The following TLX1 variants were observed in gnomAD, a reference collection of about 807,000 sequenced individuals.
The protein encoded by TLX1 is T cell leukemia homeobox 1, also known as T-cell leukemia homeobox protein 1.
A neutral mutation model predicts 26.5 loss-of-function variants in TLX1; 6 were observed. The ratio of observed to expected loss-of-function variants is 0.23; its 90% CI spans 0.12 to 0.45. TLX1 has a LOEUF of 0.45. Among genes scored for constraint, TLX1 ranks in the 20% least tolerant of loss-of-function variants. The pLI is 0.99. For synonymous variants in TLX1, 217 were observed against 219.7 expected (o/e 0.99, Z 0.11); for missense variants, 418 against 482.6 (o/e 0.87, Z 1.25).
At chr10:101,134,940 G>A (rs1247508239) in intron 2 of TLX1, among the ~76,000 whole-genome samples, 1 of 152,266 alleles carries the variant, frequency 6.6e-6, no homozygotes, top group African/African-American at 2.4e-5. Flanking sequence ...CGCCGGCTGC[G>A]GCGGGGTTTC....
At chr10:101,133,909 G>A (rs905955805) in intron 1 of TLX1, among the ~76,000 whole-genome samples, 1 of 152,160 alleles carries the variant, frequency 6.6e-6, no homozygotes, top group African/African-American at 2.4e-5. Flanking sequence ...GGGCTCGCGG[G>A]AGCCCGGGGC....
At chr10:101,136,410 C>T (rs1020955483) in intron 2 of TLX1, among the ~76,000 whole-genome samples, 3 of 152,142 alleles carry the variant, frequency 2.0e-5, no homozygotes, top group Admixed American at 6.6e-5. Flanking sequence ...GGGGTGTGGG[C>T]GCTGCGCGTG....
chr10:101,134,431 T>C, intron 2 of TLX1, 55 bp downstream of exon 2: 1 of 1,464,860 alleles, frequency 6.8e-7, no homozygotes. Flanking sequence ...CAGGCAGCTC[T>C]CGGTTCATTG....
rs1304337955 is a variant in TLX1, at chr10:101,131,369, G to C, written c.-173G>C. 2.3e-6 allele frequency: 1 copy of C among 435,184 alleles called. No homozygotes were observed. Among genetic ancestry groups the C allele is most frequent in the Non-Finnish European group, 4.0e-6 (1 of 252,932 alleles). The allele number at this position is 435,184 out of a possible 1,614,324, so 27.0% of individuals were successfully genotyped here. On this transcript the variant is annotated 5_prime_UTR_variant, in exon 1 of 3. Transcript: ENST00000370196. The stretch of plus-strand genomic sequence containing the variant: ...CAGAAGCCAGAGAGGGGAAGAATAC[G>C]GCGCCCCCTCTCTCCCTCCCCTCCC...
At position 101,137,070 on chromosome 10, in the gene TLX1, C is replaced by T. The variant is rs183736856; in HGVS notation, c.*157C>T. 3.9e-3 allele frequency: 3,758 copies of T among 970,978 alleles called. 13 individuals are homozygous for T. The highest frequency in any genetic ancestry group is 7.0e-3 in the Middle Eastern group (23 of 3,300). The allele number at this position is 970,978 out of a possible 1,614,324, so 60.1% of individuals were successfully genotyped here. A position where few individuals can be genotyped will look rare whatever the true frequency, so the allele number is the denominator to read the frequency against. On this transcript the variant is annotated 3_prime_UTR_variant, in exon 3 of 3. Coordinates refer to ENST00000370196, the MANE Select transcript of TLX1 (RefSeq NM_005521.4). ...AAGGGCCCCCACATTTGTGCCGACA[C>T]TGTTCTCCCTTCGGTGGAAGAGCTC... is the stretch of plus-strand genomic sequence containing the variant.
rs975804059 is a variant in TLX1 at position 101,131,795 on chromosome 10, C to G, written c.254C>G (p.Pro85Arg). Residue 85 changes from proline (P) to arginine (R), a missense_variant, in exon 1 of 3, where the codon CCG becomes CGG. Around this residue, in one of 3 missense-constraint regions of TLX1, gnomAD observed 322 missense variants for 344.6 expected, o/e 0.93. Transcript: ENST00000370196. The stretch of plus-strand genomic sequence containing the variant: ...GGAGGTCCCGGCGGCCCCGGAGGCC[C>G]GGCAGGCGGCGGCGGCGCCTGCAGC... Reference protein sequence around the residue: ...GTGGPGGPGGPAGGGGACSMG... With the variant: ...GTGGPGGPGGRAGGGGACSMG... 18 of 1,385,894 alleles carry G rather than the reference C, an allele frequency of 1.3e-5. No individual in the cohort carries two copies. The highest frequency in any genetic ancestry group is 1.4e-5 in the Non-Finnish European group (15 of 1,076,198). The allele number at this position is 1,385,894 out of a possible 1,614,324, so 85.8% of individuals were successfully genotyped here.
chr10:101,132,088 T>A lies in TLX1; in HGVS notation c.547T>A (p.Tyr183Asn), dbSNP rs202240073. 141 of 1,429,502 alleles carry A rather than the reference T, an allele frequency of 9.9e-5. No homozygotes were observed. In the South Asian group the frequency reaches 1.0e-3, roughly 11 times the overall value. 88.6% of individuals were successfully genotyped at this position (1,429,502 alleles called of 1,614,324 possible). A position where few individuals can be genotyped will look rare whatever the true frequency, so the allele number is the denominator to read the frequency against. The change falls in exon 1 of 3, where the codon TAC (tyrosine) becomes AAC (asparagine). Residue 183 changes from tyrosine (Y) to asparagine (N), a missense_variant. By Grantham distance (143) the Tyr-to-Asn change is moderately radical. Coordinates refer to ENST00000370196, the MANE Select transcript of TLX1 (RefSeq NM_005521.4). The surrounding 1 kb of genome is among the most constrained non-coding windows in gnomAD (Gnocchi z 4.1). ...TFPWMESNRR[Y>N]TKDRFTGHPY... ...CCCCTGGATGGAGAGTAACCGCAGA[T>A]ACACAAAGGACAGGTTCACAGGTGA...
chr10:101,132,126 C>A lies in TLX1; in HGVS notation c.568+17C>A, dbSNP rs770796369. On this transcript the variant is annotated intron_variant, in intron 1 of 2. Transcript: ENST00000370196. This position sits in a 1 kb window ranked among gnomAD's most constrained non-coding sequence, Gnocchi z 4.1. ...GGTTCACAGGTGAGTCCGGCCCGCG[C>A]GCTCCCCGCCTGGCCGCGGCCCGGG... The A allele has an allele frequency of 5.8e-5, 77 of 1,337,480 alleles. No individual in the cohort carries two copies. In the Admixed American group the frequency reaches 7.3e-4, roughly 13 times the overall value. 82.9% of individuals were successfully genotyped at this position (1,337,480 alleles called of 1,614,324 possible). A position where few individuals can be genotyped will look rare whatever the true frequency, so the allele number is the denominator to read the frequency against.
rs370431334 is a variant in TLX1, at chr10:101,132,156, G to T, written c.568+47G>T. ...CCCGCCTGGCCGCGGCCCGGGCTCCGTGCTACCCCTGCCCCGCCGGGTGGC... is the reference window on the plus strand; with the variant it reads ...CCCGCCTGGCCGCGGCCCGGGCTCCTTGCTACCCCTGCCCCGCCGGGTGGC... On this transcript the variant is annotated intron_variant, in intron 1 of 2. Transcript: ENST00000370196. This position sits in a 1 kb window ranked among gnomAD's most constrained non-coding sequence, Gnocchi z 4.1. The T allele has an allele frequency of 1.2e-4, 156 of 1,312,362 alleles. No individual in the cohort carries two copies. In the African/African-American group the frequency reaches 2.2e-3, roughly 18 times the overall value. 81.3% of individuals were successfully genotyped at this position (1,312,362 alleles called of 1,614,324 possible).
chr10:101,134,917 G>C (rs1336315725), intron 2 of TLX1, among the ~76,000 whole-genome samples: 1 of 152,230 alleles, frequency 6.6e-6, no homozygotes, highest in Non-Finnish European at 1.5e-5. Context: ...CCTGGAAGGA[G>C]AAAATCAATC....
chr10:101,131,782 G>C lies in TLX1; in HGVS notation c.241G>C (p.Gly81Arg), dbSNP rs940435257. The C allele has an allele frequency of 5.8e-6, 8 of 1,386,848 alleles. No homozygotes were observed. Among genetic ancestry groups the C allele is most frequent in the Non-Finnish European group, 7.4e-6 (8 of 1,076,574 alleles). The allele number at this position is 1,386,848 out of a possible 1,614,324, so 85.9% of individuals were successfully genotyped here. A position where few individuals can be genotyped will look rare whatever the true frequency, so the allele number is the denominator to read the frequency against. ...AGAYGTGGPG[G>R]PGGPAGGGGA... is the part of the protein sequence containing the mutation. ...GGCCTATGGTACTGGAGGTCCCGGC[G>C]GCCCCGGAGGCCCGGCAGGCGGCGG... Residue 81 changes from glycine to arginine, a missense_variant, in exon 1 of 3, where the codon GGC (glycine) becomes CGC (arginine). This residue lies in a region of TLX1 where 322 missense variants were observed against 344.6 expected (regional missense o/e 0.93). Transcript: ENST00000370196.
intron 2 of TLX1, among the ~76,000 whole-genome samples, chr10:101,136,110 G>A (rs151310751): frequency 1.3e-5 from 2 of 152,340 alleles, no homozygotes; most frequent in African/African-American, 2.4e-5. Flanking sequence ...TGGAATAAGT[G>A]AGTCATCGCC....
Position 101,131,902 on chromosome 10 carries a change from G to C in TLX1, c.361G>C (p.Gly121Arg). The C allele has an allele frequency of 7.2e-7, 1 of 1,392,926 alleles. No individual in the cohort carries two copies. The highest frequency in any genetic ancestry group is 1.7e-5 in the South Asian group (1 of 60,276). The allele number at this position is 1,392,926 out of a possible 1,614,324, so 86.3% of individuals were successfully genotyped here. Residue 121 changes from glycine to arginine, a missense_variant, in exon 1 of 3, where the codon GGC becomes CGC. Gly to Arg is a moderately radical substitution (Grantham distance 125). This residue lies in a region of TLX1 where 322 missense variants were observed against 344.6 expected (regional missense o/e 0.93). Coordinates refer to ENST00000370196, the MANE Select transcript of TLX1 (RefSeq NM_005521.4). The stretch of plus-strand genomic sequence containing the variant: ...TCCTGGCGGCGGCGGCGGCAGCAGC[G>C]GCGGTGCCGGGGCACTCAGCGCTGC... ...PGPGGGGGSS[G>R]GAGALSAAGV...
intron 2 of TLX1, chr10:101,135,489 C>G (rs913907339): frequency 6.5e-6 from 1 of 154,388 alleles, no homozygotes; most frequent in African/African-American, 2.4e-5. Context: ...AAGAGGGAGC[C>G]AGGGCTAGCT....
chr10:101,133,525 C>A (rs1183840124), intron 1 of TLX1, among the ~76,000 whole-genome samples: 1 of 152,232 alleles, frequency 6.6e-6, no homozygotes, highest in Non-Finnish European at 1.5e-5. Context: ...GAAACCCAGC[C>A]GGGAGTCCAC....
rs1290667837 is a variant in TLX1 at position 101,131,970 on chromosome 10, C to G, written c.429C>G (p.Ala143=). 1 of 1,506,342 alleles carries G rather than the reference C, an allele frequency of 6.6e-7. No individual in the cohort carries two copies. Among genetic ancestry groups the G allele is most frequent in the South Asian group, 1.3e-5 (1 of 79,596 alleles). The allele number at this position is 1,506,342 out of a possible 1,614,324, so 93.3% of individuals were successfully genotyped here. ...RVPAHRPLAG[A]VAHPQPLATG... ...CGGCACACAGGCCGCTCGCCGGAGCCGTGGCCCACCCCCAGCCCCTGGCCA... is the reference window on the plus strand; with the variant it reads ...CGGCACACAGGCCGCTCGCCGGAGCGGTGGCCCACCCCCAGCCCCTGGCCA... The change falls in exon 1 of 3, where the codon GCC becomes GCG. Residue 143 remains alanine, a synonymous_variant. Coordinates refer to ENST00000370196, the MANE Select transcript of TLX1 (RefSeq NM_005521.4).
At chr10:101,135,847 A>G (rs1332962729) in intron 2 of TLX1, among the ~76,000 whole-genome samples, 1 of 152,204 alleles carries the variant, frequency 6.6e-6, no homozygotes, top group African/African-American at 2.4e-5. Context: ...ACAAAGCCTA[A>G]AAGAGAAATA....
Position 101,131,744 on chromosome 10 carries a change from C to A in TLX1, c.203C>A (p.Ala68Asp). The A allele has an allele frequency of 7.0e-7, 1 of 1,428,150 alleles. No individual in the cohort carries two copies. Among genetic ancestry groups the A allele is most frequent in the South Asian group, 1.6e-5 (1 of 63,684 alleles). The allele number at this position is 1,428,150 out of a possible 1,614,324, so 88.5% of individuals were successfully genotyped here. A position where few individuals can be genotyped will look rare whatever the true frequency, so the allele number is the denominator to read the frequency against. Reference protein sequence around the residue: ...GGGGSAAATGAGGAGAYGTGG... With the variant: ...GGGGSAAATGDGGAGAYGTGG... ...GGGGGCTCCGCGGCCGCGACGGGGG[C>A]TGGAGGAGCGGGGGCCTATGGTACT... Residue 68 changes from alanine to aspartate, a missense_variant, in exon 1 of 3, where the codon GCT (alanine) becomes GAT (aspartate). Physicochemically the swap from Ala to Asp is moderately radical, Grantham distance 126 (BLOSUM62 -2). Transcript: ENST00000370196.
chr10:101,135,995 T>C (rs1207330304), intron 2 of TLX1, among the ~76,000 whole-genome samples: 1 of 152,168 alleles, frequency 6.6e-6, no homozygotes, highest in East Asian at 1.9e-4. Context: ...GCTTCATCGA[T>C]CGCCTACAAA....
Sources: gnomAD v4.1 joint callset for allele counts (sites outside exome capture counted in the v4.1 genomes callset) on GRCh38, gnomAD v4.1.1 for gene constraint, gnomAD v4.1.1 regional missense constraint, Gnocchi (gnomAD v3.1) non-coding constraint, MANE v1.5 for transcripts, NCBI Gene and HGNC (gene_info 2026-07-23, HGNC 2026-07-21) for gene names.